The following PGM3 variants were observed in gnomAD, a reference collection of about 807,000 sequenced individuals.
PGM3 encodes phosphoacetylglucosamine mutase.
PGM3 carries 40 observed loss-of-function variants against 66.2 expected under a neutral mutation model. That is an observed-to-expected ratio of 0.60 (90% CI 0.47 to 0.79). The LOEUF (loss-of-function observed/expected upper bound fraction) is 0.79, where lower values mean the gene tolerates loss of function less well. PGM3 is among the 30% of genes least tolerant of loss of function. PGM3 has a pLI of 0.00. For missense variants in PGM3, 537 were observed against 643.4 expected, an observed-to-expected ratio of 0.83 and a Z score of 1.79; for synonymous variants, 191 against 224.2, an observed-to-expected ratio of 0.85 and a Z score of 1.32.
chr6:83,173,573 T>C (rs1336134299), intron 10 of PGM3, among the ~76,000 whole-genome samples: 2 of 152,058 alleles, frequency 1.3e-5, no homozygotes, highest in Non-Finnish European at 2.9e-5. Context: ...CTCCCTGTGT[T>C]ACTGTAAGGA....
intron 4 of PGM3, among the ~76,000 whole-genome samples, chr6:83,184,440 CA>C (rs1157095547): frequency 6.6e-6 from 1 of 152,078 alleles, no homozygotes; most frequent in Non-Finnish European, 1.5e-5. Flanking sequence ...TCAAAAAATA[CA>C]AATAAGAGCT....
Position 83,185,179 on chromosome 6 carries a change from C to A in PGM3, c.457+1829G>T, listed in dbSNP as rs565044064. On this transcript the variant is annotated intron_variant, in intron 4 of 12. Coordinates refer to ENST00000513973, the MANE Select transcript of PGM3 (RefSeq NM_015599.3). ...GAAGCAGGCCACCTAAGGGAAGACA[C>A]CACTCAGACCAATGCTTTACAAACT... Among the ~76,000 whole-genome samples, 16 of 152,304 alleles carry A rather than the reference C, an allele frequency of 1.1e-4. No homozygotes were observed. In the South Asian group the frequency reaches 3.3e-3, roughly 32 times the overall value.
rs143456508 is a variant in PGM3, at chr6:83,165,400, C to T, written c.*3834G>A. The T allele has an allele frequency of 6.5e-6, 1 of 152,876 alleles. No individual in the cohort carries two copies. The highest frequency in any genetic ancestry group is 2.4e-5 in the African/African-American group (1 of 41,562). The allele number at this position is 152,876 out of a possible 1,614,324, so 9.5% of individuals were successfully genotyped here. Reference sequence around the variant, plus strand: ...GATCTTTTCTTGGTTTGCTCCTAGACTCTTCCATTTTAACTTATATTTTTA... The same window carrying T: ...GATCTTTTCTTGGTTTGCTCCTAGATTCTTCCATTTTAACTTATATTTTTA... On this transcript the variant is annotated 3_prime_UTR_variant, in exon 13 of 13. Coordinates refer to ENST00000513973, the MANE Select transcript of PGM3 (RefSeq NM_015599.3).
chr6:83,155,889 A>T, the PGM3 span: 1 of 1,555,950 alleles, frequency 6.4e-7, no homozygotes, highest in African/African-American at 1.4e-5. Flanking sequence ...CTATTTTAAA[A>T]AACAACAGAA....
rs1365852759 is a variant in PGM3 at position 83,170,325 on chromosome 6, A to G, written c.1519T>C (p.Tyr507His). ...CTTACTTGTGAGTCTGCTTCTGCATATACTCGGACGACATCTTCTGTACCA... is the reference window on the plus strand; with the variant it reads ...CTTACTTGTGAGTCTGCTTCTGCATGTACTCGGACGACATCTTCTGTACCA... ...PSGTEDVVRV[Y>H]AEADSQESAD... Residue 507 changes from tyrosine to histidine, a missense_variant, in exon 12 of 13, where the codon TAT becomes CAT. Transcript: ENST00000513973. 1 of 1,614,172 alleles carries G rather than the reference A, an allele frequency of 6.2e-7. No individual in the cohort carries two copies. The highest frequency in any genetic ancestry group is 8.5e-7 in the Non-Finnish European group (1 of 1,180,010).
Position 83,170,450 on chromosome 6 carries a change from G to T in PGM3, c.1394C>A (p.Thr465Asn). 2 of 1,613,894 alleles carry T rather than the reference G, an allele frequency of 1.2e-6. No individual in the cohort carries two copies. Among genetic ancestry groups the T allele is most frequent in the Non-Finnish European group, 1.7e-6 (2 of 1,179,854 alleles). ...QVADRRVIST[T>N]DAERQAVTPP... ...TGTAACTGCTTGTCTTTCAGCATCG[G>T]TAGTGCTAATAACTCTCCTGTCTGC... The change falls in exon 12 of 13, where the codon ACC becomes AAC. Residue 465 changes from threonine to asparagine, a missense_variant. Coordinates refer to ENST00000513973, the MANE Select transcript of PGM3 (RefSeq NM_015599.3).
chr6:83,172,192 A>C, intron 10 of PGM3, 133 bp from the exon 11 acceptor site: 1 of 854,814 alleles, frequency 1.2e-6, no homozygotes. Context: ...TGCCAAAATA[A>C]TCACAAGTGA....
At chr6:83,155,024 T>C in the PGM3 span, among the ~76,000 whole-genome samples, 9 of 152,258 alleles carry the variant, frequency 5.9e-5, no homozygotes, top group Non-Finnish European at 1.2e-4. Flanking sequence ...CTAACCTTAA[T>C]CAAATTTTAA....
At chr6:83,156,589 C>G (rs1028343894), downstream of PGM3, among the ~76,000 whole-genome samples, 7 of 152,168 alleles carry the variant, frequency 4.6e-5, no homozygotes, top group Non-Finnish European at 8.8e-5. Flanking sequence ...GATATCAGTA[C>G]ACGTGTCATC....
chr6:83,162,964 T>C (rs906169295), downstream of PGM3: 4 of 1,571,466 alleles, frequency 2.5e-6, no homozygotes, highest in African/African-American at 2.7e-5. Flanking sequence ...TCACTACATG[T>C]TGCATTAGTG....
At chr6:83,163,988 G>GCT (rs1214660440), downstream of PGM3, among the ~76,000 whole-genome samples, 1 of 151,550 alleles carries the variant, frequency 6.6e-6, no homozygotes, top group Non-Finnish European at 1.5e-5. Flanking sequence ...AAACTGGTAT[G>GCT]CTCACCATTG....
the PGM3 span, chr6:83,153,873 G>C: frequency 1.3e-6 from 2 of 1,593,776 alleles, no homozygotes; most frequent in Non-Finnish European, 1.7e-6. Flanking sequence ...CGTAGGTTAA[G>C]GTGGTTTTTC....
chr6:83,170,595 C>G, intron 11 of PGM3, 117 bp from the exon 12 acceptor site: 1 of 801,720 alleles, frequency 1.2e-6, no homozygotes, highest in Non-Finnish European at 2.0e-6. Flanking sequence ...ATTAAAACTT[C>G]TTTCTCCAAG....
chr6:83,184,577 G>GTA (rs1256847698), intron 4 of PGM3, among the ~76,000 whole-genome samples: 3 of 152,174 alleles, frequency 2.0e-5, no homozygotes, highest in Non-Finnish European at 4.4e-5. Context: ...TAAATGACTA[G>GTA]TATATATACC....
downstream of PGM3, chr6:83,159,668 C>A: frequency 9.8e-7 from 1 of 1,020,714 alleles, no homozygotes; most frequent in Non-Finnish European, 1.5e-6. Context: ...CATGACCTTG[C>A]TTAGCAATTA....
chr6:83,150,196 A>G, the PGM3 span, among the ~76,000 whole-genome samples: 3 of 152,208 alleles, frequency 2.0e-5, no homozygotes, highest in African/African-American at 2.4e-5. Context: ...CAACATAGGG[A>G]GACTGTGTCT....
intron 2 of PGM3, 199 bp downstream of exon 2, chr6:83,190,610 C>A: frequency 1.7e-6 from 1 of 584,164 alleles, no homozygotes; most frequent in South Asian, 2.2e-5. Context: ...AGTATCTTTT[C>A]ATTCTTTCCA....
At chr6:83,149,640 G>A in the PGM3 span, among the ~76,000 whole-genome samples, 3 of 152,112 alleles carry the variant, frequency 2.0e-5, no homozygotes, top group Admixed American at 1.3e-4. Context: ...GGTTTTTGAG[G>A]AGAGACATGA....
chr6:83,166,346 T>TC lies in PGM3; in HGVS notation c.*2887dup, dbSNP rs1785576754. 1 of 691,838 alleles carries TC rather than the reference T, an allele frequency of 1.4e-6. No homozygotes were observed. The highest frequency in any genetic ancestry group is 1.8e-5 in the African/African-American group (1 of 56,896). 42.9% of individuals were successfully genotyped at this position (691,838 alleles called of 1,614,324 possible). A position where few individuals can be genotyped will look rare whatever the true frequency, so the allele number is the denominator to read the frequency against. On this transcript the variant is annotated 3_prime_UTR_variant, in exon 13 of 13. Coordinates refer to ENST00000513973, the MANE Select transcript of PGM3 (RefSeq NM_015599.3). ...CGATGACTGGCCACTGCACTCCTCA[T>TC]CTTCAAGGCTCTAGTCTCCTTTGCA...
Sources: allele counts gnomAD v4.1 joint callset (sites outside exome capture counted in the v4.1 genomes callset), GRCh38; gene constraint gnomAD v4.1.1; transcripts MANE v1.5; gene names NCBI Gene and HGNC (gene_info 2026-07-23, HGNC 2026-07-21).